Variants in FLRT1 observed in about 807,000 individuals in gnomAD.
The protein encoded by FLRT1 is fibronectin leucine rich transmembrane protein 1.
A neutral mutation model predicts 30.9 loss-of-function variants in FLRT1; 14 were observed. The observed-to-expected ratio is 0.45, with a 90% confidence interval of 0.30 to 0.71. The LOEUF (loss-of-function observed/expected upper bound fraction) is 0.71. FLRT1 is among the 30% of genes least tolerant of loss of function. The pLI is 0.08. For synonymous variants in FLRT1, 368 were observed against 430.4 expected (o/e 0.85, Z 1.80); for missense variants, 737 against 949.2 (o/e 0.78, Z 2.94).
intron 2 of FLRT1, among the ~76,000 whole-genome samples, chr11:64,104,980 A>G (rs1944733387): frequency 6.6e-6 from 1 of 152,030 alleles, no homozygotes; most frequent in African/African-American, 2.4e-5. Flanking sequence ...CATTACCAAG[A>G]TGGAAAATGA....
At chr11:64,045,427 G>A (rs1428452719) in intron 1 of FLRT1, among the ~76,000 whole-genome samples, 5 of 152,212 alleles carry the variant, frequency 3.3e-5, no homozygotes, top group Non-Finnish European at 1.5e-5. Flanking sequence ...GGTGAAGAGC[G>A]CAGGAGAGAG....
chr11:64,090,118 T>C lies in FLRT1; in HGVS notation c.-1037-13076T>C, dbSNP rs1293527784. ...AATGGGGCTGGGGGAGGGGAAGATA[T>C]GCACCCTCTCCCCACGGGGCTAGGG... On this transcript the variant is annotated intron_variant, in intron 1 of 2. Transcript: ENST00000682287. The surrounding 1 kb of genome is among the most constrained non-coding windows in gnomAD (Gnocchi z 4.7). 6.6e-6 allele frequency among the ~76,000 whole-genome samples: 1 copy of C among 151,986 alleles called. No homozygotes were observed. Among genetic ancestry groups the C allele is most frequent in the Non-Finnish European group, 1.5e-5 (1 of 67,966 alleles).
At chr11:64,074,415 G>T (rs369707181) in intron 1 of FLRT1, among the ~76,000 whole-genome samples, 55 of 152,342 alleles carry the variant, frequency 3.6e-4, no homozygotes, top group Middle Eastern at 3.4e-3. Context: ...CTCCAGGGGT[G>T]TGGTCCACCC....
At chr11:64,074,622 C>G (rs1944169050) in intron 1 of FLRT1, among the ~76,000 whole-genome samples, 1 of 152,234 alleles carries the variant, frequency 6.6e-6, no homozygotes, top group Non-Finnish European at 1.5e-5. Flanking sequence ...CTGAACTGGG[C>G]TTTCCCCAAG....
chr11:64,116,199 C>T lies in FLRT1; in HGVS notation c.-49-20C>T. 1 of 1,535,032 alleles carries T rather than the reference C, an allele frequency of 6.5e-7. No individual in the cohort carries two copies. Among genetic ancestry groups the T allele is most frequent in the Non-Finnish European group, 8.7e-7 (1 of 1,146,512 alleles). ...TGTCGCCGCCTCCCTCTCACTGCCC[C>T]TGTCCTGTGCTCCTTGCAGGTATTC... On this transcript the variant is annotated intron_variant, in intron 2 of 2. Transcript: ENST00000682287.
chr11:64,116,209 C>G lies in FLRT1; in HGVS notation c.-49-10C>G. The G allele has an allele frequency of 6.5e-7, 1 of 1,550,048 alleles. No homozygotes were observed. Among genetic ancestry groups the G allele is most frequent in the Non-Finnish European group, 8.7e-7 (1 of 1,154,226 alleles). On this transcript the variant is annotated splice_polypyrimidine_tract_variant and intron_variant, in intron 2 of 2. Transcript: ENST00000682287. Reference sequence around the variant, plus strand: ...TCCCTCTCACTGCCCCTGTCCTGTGCTCCTTGCAGGTATTCAGGCTCCAGG... The same window carrying G: ...TCCCTCTCACTGCCCCTGTCCTGTGGTCCTTGCAGGTATTCAGGCTCCAGG...
intron 1 of FLRT1, among the ~76,000 whole-genome samples, chr11:64,054,554 C>T: frequency 6.6e-6 from 1 of 152,148 alleles, no homozygotes; most frequent in Non-Finnish European, 1.5e-5. Flanking sequence ...TGCAGAGTGG[C>T]AGCCAGCCAG....
chr11:64,094,943 C>G (rs1251351223), intron 1 of FLRT1, among the ~76,000 whole-genome samples: 1 of 152,182 alleles, frequency 6.6e-6, no homozygotes, highest in African/African-American at 2.4e-5. Context: ...TTTCCCAGCC[C>G]CGTGTGCTCC....
At chr11:64,040,605 T>TC (rs1943466510) in intron 1 of FLRT1, among the ~76,000 whole-genome samples, 1 of 152,196 alleles carries the variant, frequency 6.6e-6, no homozygotes, top group South Asian at 2.1e-4. Context: ...AGCTGTGTGT[T>TC]CACCTGCGTA....
chr11:64,049,859 C>G (rs1302619793), intron 1 of FLRT1, among the ~76,000 whole-genome samples: 1 of 152,208 alleles, frequency 6.6e-6, no homozygotes, highest in Non-Finnish European at 1.5e-5. Flanking sequence ...CTGTGATCCA[C>G]CCCACCATCC....
At position 64,118,468 on chromosome 11, in the gene FLRT1, A is replaced by T. The variant is rs906694810; in HGVS notation, c.*176A>T. 2 of 614,810 alleles carry T rather than the reference A, an allele frequency of 3.3e-6. No homozygotes were observed. The highest frequency in any genetic ancestry group is 1.8e-5 in the African/African-American group (1 of 54,216). 38.1% of individuals were successfully genotyped at this position (614,810 alleles called of 1,614,324 possible). A position where few individuals can be genotyped will look rare whatever the true frequency, so the allele number is the denominator to read the frequency against. ...CGATTTTGTAGAACACAACAGTGAC[A>T]ATTTTTTTTAAAAGAATAGAAGGCA... On this transcript the variant is annotated 3_prime_UTR_variant, in exon 3 of 3. Transcript: ENST00000682287.
At position 64,090,435 on chromosome 11, in the gene FLRT1, C is replaced by T. The variant is rs1191352935; in HGVS notation, c.-1037-12759C>T. ...CTCAACTCACCTCCAGCCCGGGCAG[C>T]AGTGGGTCGATAATAATTTACGAGG... On this transcript the variant is annotated intron_variant, in intron 1 of 2. Transcript: ENST00000682287. This position sits in a 1 kb window ranked among gnomAD's most constrained non-coding sequence, Gnocchi z 4.7. Among the ~76,000 whole-genome samples, 1 of 152,230 alleles carries T rather than the reference C, an allele frequency of 6.6e-6. No homozygotes were observed. The highest frequency in any genetic ancestry group is 1.9e-4 in the East Asian group (1 of 5,202).
At chr11:64,051,753 A>G (rs1943699669) in intron 1 of FLRT1, among the ~76,000 whole-genome samples, 1 of 152,168 alleles carries the variant, frequency 6.6e-6, no homozygotes. Context: ...CCTGCGGCCC[A>G]GTCCCTCTCA....
At chr11:64,057,640 C>A (rs1231087876) in intron 1 of FLRT1, among the ~76,000 whole-genome samples, 1 of 152,220 alleles carries the variant, frequency 6.6e-6, no homozygotes, top group Non-Finnish European at 1.5e-5. Context: ...CCTTGAAGAT[C>A]AAGGTCAGGA....
intron 1 of FLRT1, among the ~76,000 whole-genome samples, chr11:64,073,453 T>C (rs924974045): frequency 1.6e-4 from 25 of 152,218 alleles, no homozygotes; most frequent in African/African-American, 6.0e-4. Flanking sequence ...GAGCCTTAGT[T>C]TGGGCACCTG....
At chr11:64,056,022 T>A (rs1000573229) in intron 1 of FLRT1, among the ~76,000 whole-genome samples, 3 of 152,184 alleles carry the variant, frequency 2.0e-5, no homozygotes, top group African/African-American at 7.2e-5. Context: ...GTCCACAGAA[T>A]GGGAGCACAG....
Position 64,039,846 on chromosome 11 carries a change from T to C in FLRT1, c.-1038+3687T>C, listed in dbSNP as rs557431013. Among the ~76,000 whole-genome samples, 23 of 152,210 alleles carry C rather than the reference T, an allele frequency of 1.5e-4. No individual in the cohort carries two copies. The East Asian group carries it at 4.5e-3, about 29-fold the overall frequency. The stretch of plus-strand genomic sequence containing the variant: ...ATTCCTGCAGCCCTGGGTTTTAAAA[T>C]GACAACCTGCAGAGCTGGTGGCTAG... On this transcript the variant is annotated intron_variant, in intron 1 of 2. Transcript: ENST00000682287.
intron 1 of FLRT1, among the ~76,000 whole-genome samples, chr11:64,078,904 C>T (rs890344066): frequency 6.6e-6 from 1 of 152,138 alleles, no homozygotes; most frequent in African/African-American, 2.4e-5. Context: ...GGGAGTTTGG[C>T]AGGTTCCAGG....
chr11:64,105,794 G>C (rs1195001508), intron 2 of FLRT1, among the ~76,000 whole-genome samples: 4 of 152,214 alleles, frequency 2.6e-5, no homozygotes, highest in African/African-American at 9.7e-5. Flanking sequence ...CAAGGCCCCA[G>C]GAGGTGGGCG....
Sources: allele counts gnomAD v4.1 joint callset (sites outside exome capture counted in the v4.1 genomes callset), GRCh38; gene constraint gnomAD v4.1.1; non-coding constraint Gnocchi (gnomAD v3.1); transcripts MANE v1.5; gene names NCBI Gene and HGNC (gene_info 2026-07-23, HGNC 2026-07-21).